The following CCDC7 variants were observed in gnomAD, a reference collection of about 807,000 sequenced individuals.
The protein encoded by CCDC7 is coiled-coil domain containing 7.
In CCDC7, 183 loss-of-function variants were observed where a neutral mutation model predicts 196.9. The observed-to-expected ratio is 0.93, with a 90% CI of 0.82 to 1.05. The LOEUF (loss-of-function observed/expected upper bound fraction) is 1.05, where lower values mean the gene tolerates loss of function less well. CCDC7 is among the 50% of genes least tolerant of loss of function. The pLI is 0.00. For synonymous variants in CCDC7, 525 were observed against 484.6 expected, an observed-to-expected ratio of 1.08 and a Z score of -1.10; for missense variants, 1,540 against 1,482.2, an observed-to-expected ratio of 1.04 and a Z score of -0.64.
chr10:32,507,740 G>C (rs2045426258), intron 9 of CCDC7, among the ~76,000 whole-genome samples: 1 of 152,174 alleles, frequency 6.6e-6, no homozygotes, highest in South Asian at 2.1e-4. Flanking sequence ...ATGAGCCACT[G>C]TGCATGGCTC....
chr10:32,468,169 CT>C (rs1346196660), intron 5 of CCDC7, among the ~76,000 whole-genome samples: 1 of 152,078 alleles, frequency 6.6e-6, no homozygotes, highest in East Asian at 1.9e-4. Context: ...TTATAAATTG[CT>C]TTGGAAAGTA....
intron 16 of CCDC7, among the ~76,000 whole-genome samples, chr10:32,581,824 T>A (rs2058755161): frequency 6.6e-6 from 1 of 152,064 alleles, no homozygotes; most frequent in Admixed American, 6.6e-5. Context: ...AAACATTTGC[T>A]TTCTATTTTT....
At chr10:32,518,452 T>C (rs1202824208) in exon 11 of CCDC7, 5 of 1,606,538 alleles carry the variant, frequency 3.1e-6, no homozygotes, top group African/African-American at 1.3e-5. Context: ...TCAGTTGTTA[T>C]CAGAAGAGAA....
At chr10:32,677,045 A>T (rs890591941) in intron 21 of CCDC7, among the ~76,000 whole-genome samples, 3 of 151,642 alleles carry the variant, frequency 2.0e-5, no homozygotes, top group East Asian at 3.9e-4. Flanking sequence ...ATAAAAAATG[A>T]TGAGTTCATG....
intron 21 of CCDC7, among the ~76,000 whole-genome samples, chr10:32,676,040 T>G (rs572365114): frequency 1.6e-4 from 25 of 151,664 alleles, no homozygotes; most frequent in African/African-American, 5.8e-4. Context: ...AACAGAGATA[T>G]AGATCAATGG....
downstream of CCDC7, among the ~76,000 whole-genome samples, chr10:32,879,297 G>A (rs2094704125): frequency 6.6e-6 from 1 of 152,176 alleles, no homozygotes. Flanking sequence ...TTAAAGAGGT[G>A]TTCAGAAAAT....
At chr10:32,471,842 T>C (rs1022881124) in intron 6 of CCDC7, among the ~76,000 whole-genome samples, 1 of 152,190 alleles carries the variant, frequency 6.6e-6, no homozygotes, top group Admixed American at 6.5e-5. Flanking sequence ...AGAGTGGTAC[T>C]TGAGTTGGCT....
At chr10:32,857,832 A>G (rs1278676578) in intron 41 of CCDC7, among the ~76,000 whole-genome samples, 1 of 151,972 alleles carries the variant, frequency 6.6e-6, no homozygotes, top group Non-Finnish European at 1.5e-5. Context: ...AAATCAATAA[A>G]ACCAAGAGTT....
At chr10:32,538,585 GC>G (rs1169038138) in intron 11 of CCDC7, among the ~76,000 whole-genome samples, 1 of 152,122 alleles carries the variant, frequency 6.6e-6, no homozygotes, top group Non-Finnish European at 1.5e-5. Context: ...AATGCTTTCA[GC>G]TTTTGCCTAT....
intron 16 of CCDC7, among the ~76,000 whole-genome samples, chr10:32,581,211 A>G (rs1564724721): frequency 6.6e-6 from 1 of 152,182 alleles, no homozygotes; most frequent in Non-Finnish European, 1.5e-5. Context: ...ATACGGTAGT[A>G]TTTAGACATG....
intron 28 of CCDC7, among the ~76,000 whole-genome samples, chr10:32,778,257 C>T (rs2080436644): frequency 6.6e-6 from 1 of 152,138 alleles, no homozygotes; most frequent in Non-Finnish European, 1.5e-5. Flanking sequence ...ACATTCTTTG[C>T]CAAGGCTGAT....
chr10:32,812,548 T>A (rs2087394809), intron 30 of CCDC7, among the ~76,000 whole-genome samples: 1 of 152,082 alleles, frequency 6.6e-6, no homozygotes, highest in Non-Finnish European at 1.5e-5. Flanking sequence ...AACTTGACTG[T>A]GATGATGGTG....
chr10:32,770,055 C>A lies in CCDC7; in HGVS notation c.2906-8922C>A, dbSNP rs187847386. ...GTTCTAGATCCTTGAGGAGTCACCA[C>A]ACTGTCTTCCACAATGGTTGAACTA... On this transcript the variant is annotated intron_variant, in intron 28 of 41. Transcript: ENST00000639629. 1.2e-3 allele frequency among the ~76,000 whole-genome samples: 190 copies of A among 152,324 alleles called. 1 individual carries two copies. The highest frequency in any genetic ancestry group is 4.3e-3 in the African/African-American group (180 of 41,566).
At chr10:32,694,584 T>C (rs1195091783) in intron 23 of CCDC7, among the ~76,000 whole-genome samples, 1 of 152,198 alleles carries the variant, frequency 6.6e-6, no homozygotes, top group East Asian at 1.9e-4. Flanking sequence ...ACATTGTACC[T>C]ATGCATTTTT....
chr10:32,670,057 A>C (rs2073745585), intron 21 of CCDC7, among the ~76,000 whole-genome samples: 2 of 152,098 alleles, frequency 1.3e-5, no homozygotes, highest in Non-Finnish European at 2.9e-5. Flanking sequence ...GGGATTGGAT[A>C]CTTATTTCTG....
At chr10:32,634,887 T>C (rs1054988491) in intron 19 of CCDC7, among the ~76,000 whole-genome samples, 170 bp from the exon 21 acceptor site, 2 of 152,116 alleles carry the variant, frequency 1.3e-5, no homozygotes, top group Admixed American at 1.3e-4. Flanking sequence ...GTAACAAGAT[T>C]GCCTCCACAC....
intron 41 of CCDC7, among the ~76,000 whole-genome samples, chr10:32,870,209 A>T (rs551301726): frequency 1.3e-5 from 2 of 152,200 alleles, no homozygotes; most frequent in South Asian, 4.1e-4. Flanking sequence ...TCACGATTCT[A>T]TTGATTCTTC....
At chr10:32,755,904 G>T (rs2076361676) in intron 28 of CCDC7, among the ~76,000 whole-genome samples, 1 of 152,124 alleles carries the variant, frequency 6.6e-6, no homozygotes, top group Non-Finnish European at 1.5e-5. Flanking sequence ...GTGTAGAGAA[G>T]ACCTTAAATG....
intron 9 of CCDC7, chr10:32,513,447 C>G (rs1190094794): frequency 6.6e-6 from 1 of 151,996 alleles, no homozygotes; most frequent in Admixed American, 6.6e-5. Flanking sequence ...CCTGTACAAA[C>G]TCTTCTAAAA....
Sources: gnomAD v4.1 joint callset for allele counts (sites outside exome capture counted in the v4.1 genomes callset) on GRCh38, gnomAD v4.1.1 for gene constraint, MANE v1.5 for transcripts, NCBI Gene and HGNC (gene_info 2026-07-23, HGNC 2026-07-21) for gene names.